The following CRX variants were observed in gnomAD, a reference collection of about 807,000 sequenced individuals.
The protein encoded by CRX is cone-rod homeobox.
In CRX, 5 loss-of-function variants were observed where a neutral mutation model predicts 13.1. The ratio of observed to expected loss-of-function variants is 0.38; its 90% CI spans 0.20 to 0.80. CRX has a LOEUF of 0.80. Ranked by LOEUF, CRX falls within the 30% of genes least tolerant of loss-of-function variation. The pLI is 0.43. For missense variants in CRX, 351 were observed against 391.8 expected, an observed-to-expected ratio of 0.90 and a Z score of 0.88; for synonymous variants, 179 against 171.1, an observed-to-expected ratio of 1.05 and a Z score of -0.36.
chr19:47,834,533 G>A lies in CRX; in HGVS notation c.90G>A (p.Val30=), dbSNP rs1968093050. ...GTGTGGATCTGATGCACCAGGCTGT[G>A]CCCTACCCAAGTGAGTACAGTCGTT... ...GPSVDLMHQA[V]PYPSAPRKQR... is the part of the protein sequence containing the mutation. Residue 30 remains valine (V), a synonymous_variant, in exon 2 of 4, where the codon GTG becomes GTA. Transcript: ENST00000221996. 1 of 1,613,566 alleles carries A rather than the reference G, an allele frequency of 6.2e-7. No homozygotes were observed. Among genetic ancestry groups the A allele is most frequent in the Admixed American group, 1.7e-5 (1 of 59,958 alleles).
intron 3 of CRX, among the ~76,000 whole-genome samples, chr19:47,838,806 G>T (rs1047412153): frequency 1.3e-5 from 2 of 151,608 alleles, no homozygotes; most frequent in Non-Finnish European, 2.9e-5. Context: ...ATGTGTGTAT[G>T]GTGTATGTAT....
chr19:47,840,201 G>A lies in CRX; in HGVS notation c.*234G>A, dbSNP rs754333326. 9 of 547,418 alleles carry A rather than the reference G, an allele frequency of 1.6e-5. No homozygotes were observed. The highest frequency in any genetic ancestry group is 9.5e-5 in the East Asian group (3 of 31,614). 33.9% of individuals were successfully genotyped at this position (547,418 alleles called of 1,614,324 possible). On this transcript the variant is annotated 3_prime_UTR_variant, in exon 4 of 4. Coordinates refer to ENST00000221996, the MANE Select transcript of CRX (RefSeq NM_000554.6). ...TAGTGATTCTCTCAACCCTAACACC[G>A]TCTGGCACGATTGTGACCGCTGAAG... is the stretch of plus-strand genomic sequence containing the variant.
Position 47,836,311 on chromosome 19 carries a change from C to G in CRX, c.169C>G (p.Leu57Val). 6.2e-7 allele frequency: 1 copy of G among 1,614,186 alleles called. No homozygotes were observed. The highest frequency in any genetic ancestry group is 8.5e-7 in the Non-Finnish European group (1 of 1,180,034). Residue 57 changes from leucine to valine, a missense_variant, in exon 3 of 4, where the codon CTG becomes GTG. Leu to Val is a conservative substitution (Grantham distance 32). Coordinates refer to ENST00000221996, the MANE Select transcript of CRX (RefSeq NM_000554.6). ...TRSQLEELEA[L>V]FAKTQYPDVY... is the part of the protein sequence containing the mutation. Reference sequence around the variant, plus strand: ...GAGCCAACTGGAGGAGCTGGAGGCACTGTTTGCCAAGACCCAGTACCCAGA... The same window carrying G: ...GAGCCAACTGGAGGAGCTGGAGGCAGTGTTTGCCAAGACCCAGTACCCAGA...
chr19:47,825,765 C>CAAAAAAAA (rs774130693), intron 1 of CRX, among the ~76,000 whole-genome samples: 6 of 143,496 alleles, frequency 4.2e-5, no homozygotes, highest in Non-Finnish European at 9.2e-5. Context: ...ACTAAAAATA[C>CAAAAAAAA]AAAAAAAAAA....
At chr19:47,835,565 T>C (rs1469780049) in intron 2 of CRX, among the ~76,000 whole-genome samples, 1 of 151,294 alleles carries the variant, frequency 6.6e-6, no homozygotes, top group Non-Finnish European at 1.5e-5. Context: ...TTGTAAAGCC[T>C]TATTTTTAAG....
chr19:47,827,828 A>C (rs1967993105), intron 1 of CRX, among the ~76,000 whole-genome samples: 1 of 90,428 alleles, frequency 1.1e-5, no homozygotes, highest in Non-Finnish European at 2.0e-5. Flanking sequence ...TGGCCATGGC[A>C]TCTTTATTAA....
In CRX at chr19:47,834,467, G is replaced by T; in HGVS notation, c.24G>T (p.Gly8=). MMAYMNP[G]PHYSVNALAL... The stretch of plus-strand genomic sequence containing the variant: ...TCATGATGGCGTATATGAACCCGGG[G>T]CCCCACTATTCTGTCAACGCCTTGG... Residue 8 remains glycine (G), a synonymous_variant, in exon 2 of 4, where the codon GGG becomes GGT. Transcript: ENST00000221996. 1 of 1,614,140 alleles carries T rather than the reference G, an allele frequency of 6.2e-7. No homozygotes were observed.
intron 1 of CRX, among the ~76,000 whole-genome samples, chr19:47,824,361 C>G (rs183700058): frequency 1.3e-5 from 2 of 152,146 alleles, no homozygotes; most frequent in African/African-American, 4.8e-5. Flanking sequence ...CAGGAGGGCA[C>G]CGGCTCCGGG....
Position 47,840,235 on chromosome 19 carries a change from G to C in CRX, c.*268G>C. ...GATTGTGACCGCTGAAGTACACCAC[G>C]AGCTCCAGGCTTCAGAAAGTGGTGC... On this transcript the variant is annotated 3_prime_UTR_variant, in exon 4 of 4. Coordinates refer to ENST00000221996, the MANE Select transcript of CRX (RefSeq NM_000554.6). The C allele has an allele frequency of 6.3e-6, 3 of 477,930 alleles. No homozygotes were observed. Among genetic ancestry groups the C allele is most frequent in the Non-Finnish European group, 1.1e-5 (3 of 262,746 alleles). The allele number at this position is 477,930 out of a possible 1,614,324, so 29.6% of individuals were successfully genotyped here.
At chr19:47,838,669 G>A (rs1178040488) in intron 3 of CRX, among the ~76,000 whole-genome samples, 2 of 152,122 alleles carry the variant, frequency 1.3e-5, no homozygotes, top group Non-Finnish European at 2.9e-5. Context: ...GTAAACGTAT[G>A]CATGATGTAT....
At chr19:47,836,535 C>A in intron 3 of CRX, 141 bp downstream of exon 3, 3 of 1,158,422 alleles carry the variant, frequency 2.6e-6, no homozygotes, top group African/African-American at 1.5e-5. Context: ...CCTCTCCCCA[C>A]CATCCCACTG....
In CRX at chr19:47,842,565, A is replaced by G. The variant is rs1476335721; in HGVS notation, c.*2598A>G. On this transcript the variant is annotated 3_prime_UTR_variant, in exon 4 of 4. Transcript: ENST00000221996. ...CCACTGTGCTCTAGCCTGGGTCACAAGAGCGAAACTCCGTCTCAATAATAA... is the reference window on the plus strand; with the variant it reads ...CCACTGTGCTCTAGCCTGGGTCACAGGAGCGAAACTCCGTCTCAATAATAA... 6.6e-6 allele frequency: 1 copy of G among 152,208 alleles called. No homozygotes were observed. Among genetic ancestry groups the G allele is most frequent in the East Asian group, 1.9e-4 (1 of 5,194 alleles). The allele number at this position is 152,208 out of a possible 1,614,324, so 9.4% of individuals were successfully genotyped here.
chr19:47,822,219 C>T (rs1967920719), intron 1 of CRX, among the ~76,000 whole-genome samples: 1 of 152,128 alleles, frequency 6.6e-6, no homozygotes. Context: ...GGTTAGACAG[C>T]AGGGACTGGC....
intron 2 of CRX, among the ~76,000 whole-genome samples, chr19:47,834,866 G>A (rs1033328552): frequency 1.3e-5 from 2 of 152,124 alleles, no homozygotes; most frequent in Admixed American, 6.5e-5. Flanking sequence ...AGGCTGGAGT[G>A]CAGTGGTGGT....
rs1968164755 is a variant in CRX, at chr19:47,839,488, T to G, written c.421T>G (p.Ser141Ala). The change falls in exon 4 of 4, where the codon TCC (serine) becomes GCC (alanine). Residue 141 changes from serine to alanine, a missense_variant. Physicochemically the swap from Ser to Ala is moderately conservative, Grantham distance 99. Coordinates refer to ENST00000221996, the MANE Select transcript of CRX (RefSeq NM_000554.6). This position sits in a 1 kb window ranked among gnomAD's most constrained non-coding sequence, Gnocchi z 4.6. ...TCCAGACCCTCTGGGCATCTCAGAT[T>G]CCTACAGTCCCCCTCTGCCCGGCCC... ...VCPDPLGISD[S>A]YSPPLPGPSG... The G allele has an allele frequency of 3.7e-6, 6 of 1,613,810 alleles. No homozygotes were observed. The highest frequency in any genetic ancestry group is 5.1e-6 in the Non-Finnish European group (6 of 1,179,894).
At chr19:47,825,140 C>T (rs1351444511) in intron 1 of CRX, among the ~76,000 whole-genome samples, 3 of 151,640 alleles carry the variant, frequency 2.0e-5, no homozygotes, top group South Asian at 2.1e-4. Context: ...ACACCATGCC[C>T]GGCTAATTTT....
chr19:47,831,469 C>T (rs2123735286), intron 1 of CRX, among the ~76,000 whole-genome samples: 1 of 152,240 alleles, frequency 6.6e-6, no homozygotes, highest in Non-Finnish European at 1.5e-5. Context: ...AGCGGTGGCT[C>T]TAGACTCTCA....
At chr19:47,831,583 T>C (rs893180650) in intron 1 of CRX, among the ~76,000 whole-genome samples, 18 of 152,070 alleles carry the variant, frequency 1.2e-4, no homozygotes, top group Non-Finnish European at 2.5e-4. Flanking sequence ...GGAAAAATTA[T>C]CTTCTACGAA....
chr19:47,825,659 C>A (rs1309890079), intron 1 of CRX, among the ~76,000 whole-genome samples: 5 of 152,118 alleles, frequency 3.3e-5, no homozygotes, highest in Non-Finnish European at 7.4e-5. Context: ...GTGGCCCACG[C>A]CTGTGATTCC....
Sources: allele counts gnomAD v4.1 joint callset (sites outside exome capture counted in the v4.1 genomes callset), GRCh38; gene constraint gnomAD v4.1.1; non-coding constraint Gnocchi (gnomAD v3.1); transcripts MANE v1.5; gene names NCBI Gene and HGNC (gene_info 2026-07-23, HGNC 2026-07-21).